Variants in FRMD4A observed in about 807,000 individuals in gnomAD.
FRMD4A encodes the protein FERM domain containing 4A.
In FRMD4A, 29 loss-of-function variants were observed where a neutral mutation model predicts 129.1. The ratio of observed to expected loss-of-function variants is 0.22; its 90% CI spans 0.17 to 0.31. FRMD4A has a LOEUF of 0.31. Ranked by LOEUF, FRMD4A falls within the 10% of genes least tolerant of loss-of-function variation. The pLI is 1.00. For missense variants in FRMD4A, 1,272 were observed against 1,375.8 expected (o/e 0.92, Z 1.19); for synonymous variants, 634 against 571.6 (o/e 1.11, Z -1.56).
chr10:14,049,743 T>C (rs1192101139), intron 2 of FRMD4A, among the ~76,000 whole-genome samples: 1 of 152,136 alleles, frequency 6.6e-6, no homozygotes, highest in Non-Finnish European at 1.5e-5. Flanking sequence ...GAATCGCAGC[T>C]ACCTGGGAGG....
At chr10:13,967,744 T>C (rs1056112533) in intron 2 of FRMD4A, among the ~76,000 whole-genome samples, 1 of 152,150 alleles carries the variant, frequency 6.6e-6, no homozygotes, top group Non-Finnish European at 1.5e-5. Flanking sequence ...AAATCACGTG[T>C]TAAGAATACA....
intron 2 of FRMD4A, among the ~76,000 whole-genome samples, chr10:14,275,602 G>T (rs1845311116): frequency 6.6e-6 from 1 of 152,228 alleles, no homozygotes; most frequent in South Asian, 2.1e-4. Context: ...CTTAAGTTCA[G>T]TTCGTTTTAA....
At chr10:14,059,816 G>C (rs961057750) in intron 2 of FRMD4A, among the ~76,000 whole-genome samples, 1 of 152,198 alleles carries the variant, frequency 6.6e-6, no homozygotes, top group Non-Finnish European at 1.5e-5. Context: ...ATCAAGCAAT[G>C]ATATCCTTTG....
intron 2 of FRMD4A, among the ~76,000 whole-genome samples, chr10:14,228,603 G>A (rs796716092): frequency 3.3e-5 from 5 of 152,266 alleles, no homozygotes; most frequent in African/African-American, 1.2e-4. Flanking sequence ...ATATAGCCAG[G>A]GTTTGTAAGA....
chr10:14,026,232 G>A (rs1177650850), intron 2 of FRMD4A, among the ~76,000 whole-genome samples: 5 of 152,234 alleles, frequency 3.3e-5, no homozygotes, highest in South Asian at 4.2e-4. Context: ...GGGTATGAAC[G>A]GTTAAAACTC....
At chr10:13,926,335 G>A (rs2095133561) in intron 2 of FRMD4A, among the ~76,000 whole-genome samples, 1 of 152,170 alleles carries the variant, frequency 6.6e-6, no homozygotes, top group Non-Finnish European at 1.5e-5. Context: ...TGTAGGGAGT[G>A]ATTGTTTCTG....
intron 2 of FRMD4A, among the ~76,000 whole-genome samples, chr10:13,913,602 G>A (rs1232293574): frequency 1.3e-5 from 2 of 152,174 alleles, no homozygotes; most frequent in Admixed American, 1.3e-4. Context: ...CCTGAGGCAC[G>A]TGATCCGCCT....
intron 6 of FRMD4A, among the ~76,000 whole-genome samples, chr10:13,773,225 A>C (rs958387032): frequency 4.6e-5 from 7 of 152,226 alleles, no homozygotes; most frequent in African/African-American, 1.7e-4. Flanking sequence ...AATGTGTATG[A>C]CTCTATTATG....
At chr10:14,150,775 A>T (rs1221674502) in intron 2 of FRMD4A, among the ~76,000 whole-genome samples, 2 of 152,078 alleles carry the variant, frequency 1.3e-5, no homozygotes, top group Admixed American at 6.6e-5. Context: ...ACCCCAAACC[A>T]CACATTTCCA....
chr10:14,127,604 T>C (rs1046987765), intron 2 of FRMD4A, among the ~76,000 whole-genome samples: 1 of 152,188 alleles, frequency 6.6e-6, no homozygotes, highest in East Asian at 1.9e-4. Context: ...AGAATAATGA[T>C]AGTGTCTGCC....
chr10:13,873,577 C>T (rs11258684), intron 2 of FRMD4A, among the ~76,000 whole-genome samples: 68,635 of 152,010 alleles, frequency 0.45, 15,639 homozygotes, highest in South Asian at 0.57. Flanking sequence ...GACGGAGTCT[C>T]GCTCTTTCGC....
intron 2 of FRMD4A, among the ~76,000 whole-genome samples, chr10:13,945,716 A>G (rs1446587866): frequency 1.3e-5 from 2 of 152,176 alleles, no homozygotes; most frequent in Non-Finnish European, 2.9e-5. Flanking sequence ...GCCATTTAAT[A>G]AAGCTCACTT....
At chr10:13,887,994 C>A (rs2094645145) in intron 2 of FRMD4A, among the ~76,000 whole-genome samples, 1 of 152,174 alleles carries the variant, frequency 6.6e-6, no homozygotes, top group African/African-American at 2.4e-5. Context: ...TGGATTTATG[C>A]TGATTCAGAA....
chr10:13,842,049 C>T (rs879398976), intron 3 of FRMD4A, among the ~76,000 whole-genome samples: 1 of 152,174 alleles, frequency 6.6e-6, no homozygotes, highest in Non-Finnish European at 1.5e-5. Flanking sequence ...ATACCTTGTT[C>T]CTCTCACAAC....
chr10:13,851,269 T>G (rs2094136876), intron 3 of FRMD4A, among the ~76,000 whole-genome samples: 1 of 152,184 alleles, frequency 6.6e-6, no homozygotes, highest in Non-Finnish European at 1.5e-5. Flanking sequence ...ATGTAGTCAT[T>G]ATTGTGCCAA....
At chr10:14,188,067 G>C (rs1842203052) in intron 2 of FRMD4A, among the ~76,000 whole-genome samples, 2 of 152,148 alleles carry the variant, frequency 1.3e-5, no homozygotes, top group Non-Finnish European at 1.5e-5. Flanking sequence ...CCCCAAAGGA[G>C]CTCCTTCCTT....
At chr10:13,701,558 A>G in intron 13 of FRMD4A, 80 bp from the exon 14 acceptor site, 1 of 1,359,314 alleles carries the variant, frequency 7.4e-7, no homozygotes, top group South Asian at 1.3e-5. Flanking sequence ...TCTGTAGAGA[A>G]CCCACTGCGT....
chr10:14,281,938 G>C (rs553243275), intron 2 of FRMD4A, among the ~76,000 whole-genome samples: 16 of 152,312 alleles, frequency 1.1e-4, no homozygotes, highest in Non-Finnish European at 1.9e-4. Context: ...GACATACCCA[G>C]AGATTGGGTG....
intron 2 of FRMD4A, among the ~76,000 whole-genome samples, chr10:13,910,093 CT>C (rs1589242807): frequency 6.6e-6 from 1 of 152,178 alleles, no homozygotes; most frequent in South Asian, 2.1e-4. Context: ...TGTAATGTGA[CT>C]GTGAAGTGAT....
Sources: allele counts gnomAD v4.1 joint callset (sites outside exome capture counted in the v4.1 genomes callset), GRCh38; gene constraint gnomAD v4.1.1; transcripts MANE v1.5; gene names NCBI Gene and HGNC (gene_info 2026-07-23, HGNC 2026-07-21).